The following HCN1 variants were observed in gnomAD, a reference collection of about 807,000 sequenced individuals.
HCN1 encodes the protein potassium/sodium hyperpolarization-activated cyclic nucleotide-gated channel 1.
In HCN1, 13 loss-of-function variants were observed where a neutral mutation model predicts 78.9. The ratio of observed to expected loss-of-function variants is 0.16; its 90% confidence interval spans 0.11 to 0.26. HCN1 has a LOEUF of 0.26. Among genes scored for constraint, HCN1 ranks in the 10% least tolerant of loss-of-function variants. The pLI is 1.00. For missense variants in HCN1, 810 were observed against 1,154.3 expected (o/e 0.70, Z 4.32); for synonymous variants, 552 against 455.5 (o/e 1.21, Z -2.70).
rs184940766 is a variant in HCN1, at chr5:45,314,413, A to G, written c.1378-10574T>C. ...GTACCAGCCATTGCAAAAACATGCC[A>G]CATTGTAAAGACCGTCAAGGCTAGG... On this transcript the variant is annotated intron_variant, in intron 5 of 7. Transcript: ENST00000303230. Among the ~76,000 whole-genome samples, 399 of 152,330 alleles carry G rather than the reference A, an allele frequency of 2.6e-3. 1 individual carries two copies. Among genetic ancestry groups the G allele is most frequent in the African/African-American group, 9.1e-3 (378 of 41,578 alleles).
At chr5:45,577,266 A>C (rs1161362184) in intron 2 of HCN1, among the ~76,000 whole-genome samples, 1 of 152,096 alleles carries the variant, frequency 6.6e-6, no homozygotes, top group African/African-American at 2.4e-5. Flanking sequence ...ATATGCATCA[A>C]TTGCTAGAAA....
chr5:45,264,427 A>G (rs1386661001), intron 7 of HCN1, among the ~76,000 whole-genome samples: 1 of 152,220 alleles, frequency 6.6e-6, no homozygotes, highest in Non-Finnish European at 1.5e-5. Context: ...GGTAACTGAA[A>G]AGTGAATCAA....
At chr5:45,322,566 C>CCT in intron 5 of HCN1, among the ~76,000 whole-genome samples, 1 of 151,800 alleles carries the variant, frequency 6.6e-6, no homozygotes, top group African/African-American at 2.4e-5. Context: ...CAACTCTGAA[C>CCT]ATGAGATTCA....
intron 2 of HCN1, among the ~76,000 whole-genome samples, chr5:45,480,668 G>A (rs574886042): frequency 2.2e-4 from 33 of 152,136 alleles, no homozygotes; most frequent in African/African-American, 7.7e-4. Context: ...TAAATGTCCC[G>A]GGACAATAAA....
At chr5:45,291,879 G>A (rs539743284) in intron 6 of HCN1, among the ~76,000 whole-genome samples, 1 of 151,884 alleles carries the variant, frequency 6.6e-6, no homozygotes, top group East Asian at 2.0e-4. Context: ...TTATTAACTT[G>A]CTTTATTATT....
chr5:45,295,896 TATAATATGTATA>T (rs1245206672), intron 6 of HCN1, among the ~76,000 whole-genome samples: 3 of 152,046 alleles, frequency 2.0e-5, no homozygotes, highest in Non-Finnish European at 4.4e-5. Flanking sequence ...GCAGGGATTG[TATAATATGTATA>T]GCTTATTAAA....
rs545237751 is a variant in HCN1 at position 45,295,850 on chromosome 5, A to G, written c.1618+7749T>C. The stretch of plus-strand genomic sequence containing the variant: ...CTAGTATAGTATAAAATTTGGTGTT[A>G]TTGATGTCAAGATTTCATATTAGAT... On this transcript the variant is annotated intron_variant, in intron 6 of 7. Transcript: ENST00000303230. Among the ~76,000 whole-genome samples, 17 of 152,136 alleles carry G rather than the reference A, an allele frequency of 1.1e-4. 1 individual carries two copies. The South Asian group carries it at 3.5e-3, about 32-fold the overall frequency.
intron 6 of HCN1, among the ~76,000 whole-genome samples, chr5:45,287,003 T>A (rs988103610): frequency 2.6e-5 from 4 of 151,952 alleles, no homozygotes; most frequent in African/African-American, 9.7e-5. Context: ...AATAGATAGG[T>A]CAGAACAGTC....
chr5:45,454,855 T>C lies in HCN1; in HGVS notation c.1011+6991A>G, dbSNP rs536737491. On this transcript the variant is annotated intron_variant, in intron 3 of 7. Transcript: ENST00000303230. Reference sequence around the variant, plus strand: ...ATGTGAGCTTACATATGAATAATTCTCATTGCTTTTTTTCCAAATTATTTA... The same window carrying C: ...ATGTGAGCTTACATATGAATAATTCCCATTGCTTTTTTTCCAAATTATTTA... Among the ~76,000 whole-genome samples, 11 of 152,248 alleles carry C rather than the reference T, an allele frequency of 7.2e-5. No individual in the cohort carries two copies. The South Asian group carries it at 2.3e-3, about 32-fold the overall frequency.
chr5:45,374,200 A>T (rs1747538669), intron 4 of HCN1, among the ~76,000 whole-genome samples: 1 of 115,012 alleles, frequency 8.7e-6, no homozygotes, highest in South Asian at 2.6e-4. Flanking sequence ...TACATTATAT[A>T]CATAACATAT....
chr5:45,434,895 C>T (rs1740533156), intron 3 of HCN1, among the ~76,000 whole-genome samples: 1 of 151,920 alleles, frequency 6.6e-6, no homozygotes, highest in South Asian at 2.1e-4. Flanking sequence ...GAATTATAGT[C>T]CTGATCATCC....
At chr5:45,673,400 T>C (rs1212675543) in intron 1 of HCN1, among the ~76,000 whole-genome samples, 2 of 151,584 alleles carry the variant, frequency 1.3e-5, no homozygotes, top group Non-Finnish European at 3.0e-5. Context: ...AATGGCCCAC[T>C]TCCCTGAGGG....
intron 2 of HCN1, among the ~76,000 whole-genome samples, chr5:45,498,373 C>T (rs979115560): frequency 1.3e-5 from 2 of 152,150 alleles, no homozygotes; most frequent in African/African-American, 2.4e-5. Context: ...TCCAGTTCAT[C>T]GCATTGGCTC....
At chr5:45,584,412 C>A (rs556015282) in intron 2 of HCN1, among the ~76,000 whole-genome samples, 1 of 152,214 alleles carries the variant, frequency 6.6e-6, no homozygotes, top group Non-Finnish European at 1.5e-5. Context: ...TTATTTTGAG[C>A]CTACAAGTTT....
intron 2 of HCN1, among the ~76,000 whole-genome samples, chr5:45,537,828 C>T (rs193069697): frequency 1.3e-5 from 2 of 151,950 alleles, no homozygotes; most frequent in Non-Finnish European, 2.9e-5. Context: ...CATTTGACTA[C>T]AACTATGTAA....
At chr5:45,500,940 A>C (rs1036627398) in intron 2 of HCN1, among the ~76,000 whole-genome samples, 2 of 152,218 alleles carry the variant, frequency 1.3e-5, no homozygotes, top group Admixed American at 1.3e-4. Flanking sequence ...ACATCAACAA[A>C]TGTGTCACTT....
chr5:45,527,205 AG>A (rs1742754662), intron 2 of HCN1, among the ~76,000 whole-genome samples: 1 of 137,594 alleles, frequency 7.3e-6, no homozygotes, highest in Non-Finnish European at 1.6e-5. Context: ...ATAGAATGCG[AG>A]GGGACTGAAG....
rs760127371 is a variant in HCN1, at chr5:45,320,571, C to G, written c.1378-16732G>C. Reference sequence around the variant, plus strand: ...TATATAGTCTGCCAGTAACCACATGCTTGCAAGAGGAGGAACTATGGTATC... The same window carrying G: ...TATATAGTCTGCCAGTAACCACATGGTTGCAAGAGGAGGAACTATGGTATC... On this transcript the variant is annotated intron_variant, in intron 5 of 7. Transcript: ENST00000303230. Among the ~76,000 whole-genome samples, 9 of 151,810 alleles carry G rather than the reference C, an allele frequency of 5.9e-5. No homozygotes were observed. The South Asian group carries it at 1.0e-3, about 17-fold the overall frequency.
chr5:45,491,474 C>T (rs1299780320), intron 2 of HCN1, among the ~76,000 whole-genome samples: 2 of 152,074 alleles, frequency 1.3e-5, no homozygotes, highest in African/African-American at 4.8e-5. Flanking sequence ...CTTGTGCGCT[C>T]AAGTATTCAC....
Sources: gnomAD v4.1 joint callset for allele counts (sites outside exome capture counted in the v4.1 genomes callset) on GRCh38, gnomAD v4.1.1 for gene constraint, MANE v1.5 for transcripts, NCBI Gene and HGNC (gene_info 2026-07-23, HGNC 2026-07-21) for gene names.